PCSK5: variants seen among roughly 807,000 people sequenced by gnomAD.
PCSK5 encodes proprotein convertase subtilisin/kexin type 5, also known as prohormone convertase 5.
A neutral mutation model predicts 233.2 loss-of-function variants in PCSK5; 129 were observed. The ratio of observed to expected loss-of-function variants is 0.55; its 90% CI spans 0.48 to 0.64. The LOEUF is 0.64. PCSK5 is among the 30% of genes least tolerant of loss of function. PCSK5 has a pLI of 0.00. For missense variants in PCSK5, 2,076 were observed against 2,430.1 expected, an observed-to-expected ratio of 0.85 and a Z score of 3.06; for synonymous variants, 825 against 879.2, an observed-to-expected ratio of 0.94 and a Z score of 1.09.
At chr9:76,310,584 A>T (rs1477165392) in intron 29 of PCSK5, 72 bp from the exon 30 acceptor site, 3 of 1,054,006 alleles carry the variant, frequency 2.8e-6, no homozygotes, top group Non-Finnish European at 3.9e-6. Flanking sequence ...TGGAAAGCTT[A>T]AAAAAGCCAT....
At chr9:76,040,852 A>G (rs1445439816) in intron 5 of PCSK5, among the ~76,000 whole-genome samples, 4 of 152,234 alleles carry the variant, frequency 2.6e-5, no homozygotes, top group African/African-American at 9.6e-5. Context: ...AATACCTAGT[A>G]GAAACATAGC....
rs780708808 is a variant in PCSK5 at position 76,188,592 on chromosome 9, G to A, written c.2297G>A (p.Arg766Gln). ...CRDGLSLQGSRCSVSCEDGRY... is the reference protein window; with the variant it reads ...CRDGLSLQGSQCSVSCEDGRY... ...ACTTCTTCCAGCCTGCAGGGATCCC[G>A]GTGCTCTGTCTCCTGTGAAGATGGA... The change falls in exon 18 of 38, where the codon CGG (arginine) becomes CAG (glutamine). Residue 766 changes from arginine (R) to glutamine (Q), a missense_variant. Arg to Gln is a conservative substitution (Grantham distance 43, BLOSUM62 1). Around this residue, in one of 6 missense-constraint regions of PCSK5, gnomAD observed 1,510 missense variants for 1,538.1 expected, o/e 0.98. Coordinates refer to ENST00000674117, the MANE Select transcript of PCSK5 (RefSeq NM_001372043.1). The A allele has an allele frequency of 8.6e-5, 138 of 1,612,982 alleles. No homozygotes were observed. The highest frequency in any genetic ancestry group is 1.6e-4 in the Middle Eastern group (1 of 6,082).
In PCSK5 at chr9:76,136,803, C is replaced by G. The variant is rs1201361431; in HGVS notation, c.1312+2591C>G. On this transcript the variant is annotated intron_variant, in intron 10 of 37. Transcript: ENST00000674117. Reference sequence around the variant, plus strand: ...CCAGTAATAGGGACATCAGCGTCACCCATCAGAATTTCTTTCTCATCACGT... The same window carrying G: ...CCAGTAATAGGGACATCAGCGTCACGCATCAGAATTTCTTTCTCATCACGT... Among the ~76,000 whole-genome samples, 4 of 151,974 alleles carry G rather than the reference C, an allele frequency of 2.6e-5. No individual in the cohort carries two copies. The East Asian group carries it at 7.7e-4, about 29-fold the overall frequency.
At chr9:76,168,995 A>G (rs1188891007) in intron 12 of PCSK5, among the ~76,000 whole-genome samples, 2 of 152,172 alleles carry the variant, frequency 1.3e-5, no homozygotes, top group African/African-American at 2.4e-5. Flanking sequence ...TTCACTTAGC[A>G]TAATGTTTTT....
chr9:76,024,809 T>TCA, intron 4 of PCSK5, among the ~76,000 whole-genome samples: 1 of 152,354 alleles, frequency 6.6e-6, no homozygotes, highest in South Asian at 2.1e-4. Flanking sequence ...AGAAAGCACG[T>TCA]TCGGTAACAT....
At chr9:75,962,141 C>T (rs1445721516) in intron 2 of PCSK5, among the ~76,000 whole-genome samples, 2 of 151,716 alleles carry the variant, frequency 1.3e-5, no homozygotes, top group Admixed American at 6.6e-5. Context: ...GAGGGGGCCA[C>T]GTTGAGAGAG....
At chr9:76,126,686 C>T (rs781575369) in intron 9 of PCSK5, among the ~76,000 whole-genome samples, 1 of 151,948 alleles carries the variant, frequency 6.6e-6, no homozygotes, top group Non-Finnish European at 1.5e-5. Flanking sequence ...ATGTCAGACA[C>T]GGAGACAAAA....
In PCSK5 at chr9:76,360,649, G is replaced by C. The variant is rs1830416708; in HGVS notation, c.*1727G>C. 6.6e-6 allele frequency: 1 copy of C among 152,084 alleles called. No homozygotes were observed. The highest frequency in any genetic ancestry group is 2.1e-4 in the South Asian group (1 of 4,824). 9.4% of individuals were successfully genotyped at this position (152,084 alleles called of 1,614,324 possible). Reference sequence around the variant, plus strand: ...CTTTAGAGGAAAGCTCTTAAAACAGGGTTGACAAACAGTCTCTGGAAAGAG... The same window carrying C: ...CTTTAGAGGAAAGCTCTTAAAACAGCGTTGACAAACAGTCTCTGGAAAGAG... On this transcript the variant is annotated 3_prime_UTR_variant, in exon 38 of 38. Transcript: ENST00000674117.
chr9:76,095,844 T>C (rs761493128), intron 7 of PCSK5, 46 bp from the exon 8 acceptor site: 1 of 1,558,966 alleles, frequency 6.4e-7, no homozygotes, highest in Admixed American at 1.7e-5. Context: ...CCTCTTCATT[T>C]AGAGTCATTT....
intron 2 of PCSK5, among the ~76,000 whole-genome samples, chr9:75,984,569 T>A (rs1279664160): frequency 1.3e-5 from 2 of 152,216 alleles, no homozygotes; most frequent in African/African-American, 2.4e-5. Context: ...AGTTGCATAG[T>A]CAAAATCATC....
intron 3 of PCSK5, among the ~76,000 whole-genome samples, chr9:76,019,509 C>T (rs572475135): frequency 6.6e-6 from 1 of 152,112 alleles, no homozygotes; most frequent in Non-Finnish European, 1.5e-5. Context: ...TTTAAATTGG[C>T]AGTTCATTGG....
chr9:75,945,084 G>A (rs527572645), intron 2 of PCSK5, among the ~76,000 whole-genome samples: 106 of 151,568 alleles, frequency 7.0e-4, no homozygotes, highest in African/African-American at 2.3e-3. Context: ...ACTCCAGCCC[G>A]GGCAACAAGA....
chr9:76,353,812 TAGC>T (rs1229621592), intron 36 of PCSK5, among the ~76,000 whole-genome samples: 1 of 152,210 alleles, frequency 6.6e-6, no homozygotes, highest in African/African-American at 2.4e-5. Context: ...CCACTGTTAT[TAGC>T]AGATCTCAAA....
At chr9:76,028,745 A>G (rs1488237745) in intron 5 of PCSK5, among the ~76,000 whole-genome samples, 3 of 152,190 alleles carry the variant, frequency 2.0e-5, no homozygotes, top group Admixed American at 6.5e-5. Flanking sequence ...TAGTCCTGCA[A>G]CGGCAGACTG....
At chr9:76,048,100 CT>C (rs1829487471) in intron 5 of PCSK5, among the ~76,000 whole-genome samples, 1 of 152,180 alleles carries the variant, frequency 6.6e-6, no homozygotes, top group African/African-American at 2.4e-5. Context: ...TCTGAATCCT[CT>C]TTCAACATGG....
chr9:76,158,256 G>A (rs1469056161), intron 11 of PCSK5, among the ~76,000 whole-genome samples: 1 of 152,128 alleles, frequency 6.6e-6, no homozygotes, highest in Non-Finnish European at 1.5e-5. Context: ...CCTGTGGCTC[G>A]ATGAAGGTCT....
intron 12 of PCSK5, among the ~76,000 whole-genome samples, 163 bp from the exon 13 acceptor site, chr9:76,169,539 ATG>A (rs1487039120): frequency 6.6e-6 from 1 of 151,886 alleles, no homozygotes; most frequent in African/African-American, 2.4e-5. Flanking sequence ...TTATATATAT[ATG>A]TATATATATA....
At chr9:75,951,868 C>A (rs909432927) in intron 2 of PCSK5, among the ~76,000 whole-genome samples, 1 of 152,132 alleles carries the variant, frequency 6.6e-6, no homozygotes, top group Non-Finnish European at 1.5e-5. Context: ...AAGCTACATA[C>A]AAATACTCCT....
At chr9:76,235,265 A>G (rs1483736663) in intron 22 of PCSK5, among the ~76,000 whole-genome samples, 1 of 152,116 alleles carries the variant, frequency 6.6e-6, no homozygotes, top group African/African-American at 2.4e-5. Context: ...GTACTAAACC[A>G]GTCACTTCAC....
Sources: allele counts gnomAD v4.1 joint callset (sites outside exome capture counted in the v4.1 genomes callset), GRCh38; gene constraint gnomAD v4.1.1; regional missense constraint gnomAD v4.1.1; transcripts MANE v1.5; gene names NCBI Gene and HGNC (gene_info 2026-07-23, HGNC 2026-07-21).